Variants in PNPLA4 observed in about 807,000 individuals in gnomAD.
The protein encoded by PNPLA4 is patatin-like phospholipase domain-containing protein 4.
PNPLA4 carries 15 observed loss-of-function variants against 18.3 expected under a neutral mutation model. The observed-to-expected ratio is 0.82, with a 90% confidence interval of 0.55 to 1.26. PNPLA4 has a LOEUF of 1.26. PNPLA4 is among the 50% of genes most tolerant of loss of function. The pLI is 0.00. For synonymous variants in PNPLA4, 88 were observed against 85.6 expected (o/e 1.03, Z -0.16); for missense variants, 229 against 196.8 (o/e 1.16, Z -0.98).
rs746537416 is a variant in PNPLA4, at chrX:7,926,247, A to G, written c.-13-115T>C. On this transcript the variant is annotated intron_variant, in intron 1 of 6. Coordinates refer to ENST00000381042, the MANE Select transcript of PNPLA4 (RefSeq NM_004650.3). Reference sequence around the variant, plus strand: ...TCTTCTAACATCATTCTCTGTTTTAAGCACAGTGGTTTCAATTAATTCTAA... The same window carrying G: ...TCTTCTAACATCATTCTCTGTTTTAGGCACAGTGGTTTCAATTAATTCTAA... 8.5e-5 allele frequency: 43 copies of G among 505,601 alleles called. No homozygotes were observed. The African/African-American group carries it at 9.4e-4, about 11-fold the overall frequency. The allele number at this position is 505,601 out of a possible 1,213,427, so 41.7% of individuals were successfully genotyped here.
At chrX:7,904,025 T>C (rs1173259914) in intron 5 of PNPLA4, among the ~76,000 whole-genome samples, 2 of 109,402 alleles carry the variant, frequency 1.8e-5, no homozygotes, top group Non-Finnish European at 1.9e-5. Context: ...CTCCAAAATA[T>C]CTGATTCTGT....
At chrX:7,907,186 T>C (rs1382819787) in intron 5 of PNPLA4, among the ~76,000 whole-genome samples, 1 of 110,753 alleles carries the variant, frequency 9.0e-6, no homozygotes, top group Non-Finnish European at 1.9e-5. Flanking sequence ...CCCGGCTAAT[T>C]TTTTGTATTT....
At chrX:7,914,076 C>T (rs1452743159) in intron 4 of PNPLA4, among the ~76,000 whole-genome samples, 7 of 112,181 alleles carry the variant, frequency 6.2e-5, no homozygotes, top group African/African-American at 9.7e-5. Context: ...GGAAAGCATG[C>T]ACTTCTATTT....
intron 3 of PNPLA4, 33 bp from the exon 4 acceptor site, chrX:7,921,881 C>G: frequency 1.7e-6 from 2 of 1,174,974 alleles, no homozygotes. Context: ...AATTACTCAC[C>G]TTTAATTATT....
chrX:7,904,003 C>A (rs868187692), intron 5 of PNPLA4, among the ~76,000 whole-genome samples: 2 of 105,446 alleles, frequency 1.9e-5, no homozygotes, highest in Non-Finnish European at 1.9e-5. Flanking sequence ...GGGAGGTTTG[C>A]AAAAAAAAAG....
intron 5 of PNPLA4, among the ~76,000 whole-genome samples, chrX:7,911,220 G>C (rs1368037749): frequency 8.9e-6 from 1 of 112,002 alleles, no homozygotes. Context: ...ATTATAAAAT[G>C]CATGTTTCCA....
rs59034856 is a variant in PNPLA4 at position 7,899,626 on chromosome X, CGAGAGAGAGAGAGAGAGAGAGA to C, written c.*1038_*1059del. ...TAGCTAAATACTCAGAGAGGTATGG[CGAGAGAGAGAGAGAGAGAGAGA>C]GAGAGAGAGAGAGAGAGAGAGAGAG... On this transcript the variant is annotated 3_prime_UTR_variant, in exon 7 of 7. Transcript: ENST00000381042. 7 of 46,580 alleles carry C rather than the reference CGAGAGAGAGAGAGAGAGAGAGA, an allele frequency of 1.5e-4. No homozygotes were observed. Among genetic ancestry groups the C allele is most frequent in the African/African-American group, 3.2e-4 (4 of 12,318 alleles). The allele number at this position is 46,580 out of a possible 1,213,427, so 3.8% of individuals were successfully genotyped here.
intron 4 of PNPLA4, among the ~76,000 whole-genome samples, chrX:7,915,030 C>T (rs1261762810): frequency 1.8e-5 from 2 of 111,887 alleles, no homozygotes; most frequent in African/African-American, 6.5e-5. Context: ...TAGTTAAGAG[C>T]TAAGCAGCTT....
At chrX:7,921,257 G>A (rs912826631) in intron 4 of PNPLA4, among the ~76,000 whole-genome samples, 9 of 110,455 alleles carry the variant, frequency 8.1e-5, no homozygotes, top group Non-Finnish European at 1.5e-4. Context: ...GCAAACGAGC[G>A]AGACTCCATC....
chrX:7,900,845 T>A, intron 6 of PNPLA4, 28 bp from the exon 7 acceptor site: 1 of 1,152,362 alleles, frequency 8.7e-7, no homozygotes, highest in Non-Finnish European at 1.2e-6. Context: ...AAATTTAAGC[T>A]GTAGGATATT....
chrX:7,908,464 G>T (rs1327377231), intron 5 of PNPLA4, among the ~76,000 whole-genome samples: 1 of 112,264 alleles, frequency 8.9e-6, no homozygotes, highest in Non-Finnish European at 1.9e-5. Context: ...TTAAAACACT[G>T]CATTTAAAGC....
intron 3 of PNPLA4, 52 bp from the exon 4 acceptor site, chrX:7,921,900 T>C (rs1428429168): frequency 8.8e-7 from 1 of 1,140,146 alleles, no homozygotes; most frequent in Non-Finnish European, 1.2e-6. Context: ...TTGAACTCCC[T>C]GTAAATATTT....
intron 4 of PNPLA4, among the ~76,000 whole-genome samples, chrX:7,915,222 G>A (rs898023474): frequency 9.7e-6 from 1 of 103,435 alleles, no homozygotes; most frequent in Admixed American, 1.1e-4. Context: ...ACCTCAACAC[G>A]TCTACAGCAC....
intron 5 of PNPLA4, among the ~76,000 whole-genome samples, chrX:7,906,240 T>G (rs1923701027): frequency 8.9e-6 from 1 of 112,100 alleles, no homozygotes. Context: ...GACAAAGAGA[T>G]ATCCACTTCC....
intron 4 of PNPLA4, among the ~76,000 whole-genome samples, chrX:7,913,649 C>A (rs1008852213): frequency 1.8e-5 from 2 of 112,365 alleles, no homozygotes; most frequent in Non-Finnish European, 1.9e-5. Flanking sequence ...TGGGTCCTGT[C>A]CAAAATAAGA....
chrX:7,901,139 C>T (rs1212318615), intron 6 of PNPLA4, among the ~76,000 whole-genome samples: 2 of 111,796 alleles, frequency 1.8e-5, no homozygotes, highest in Admixed American at 9.5e-5. Flanking sequence ...ATGTCTAGTA[C>T]AATATCATCC....
chrX:7,926,582 G>T (rs1924419071), intron 1 of PNPLA4, among the ~76,000 whole-genome samples: 1 of 111,780 alleles, frequency 8.9e-6, no homozygotes. Flanking sequence ...AAGTGTATCA[G>T]AAGATTTCAA....
upstream of PNPLA4, chrX:7,927,596 A>G (rs761946070): frequency 8.8e-6 from 1 of 113,570 alleles, no homozygotes; most frequent in African/African-American, 3.2e-5. Context: ...TCGAGTACCT[A>G]GAGAGACATT....
At position 7,899,613 on chromosome X, in the gene PNPLA4, C is replaced by T. The variant is rs1345926597; in HGVS notation, c.*1073G>A. On this transcript the variant is annotated 3_prime_UTR_variant, in exon 7 of 7. Transcript: ENST00000381042. ...GTATATAGAACAATAGCTAAATACT[C>T]AGAGAGGTATGGCGAGAGAGAGAGA... 1 of 72,873 alleles carries T rather than the reference C, an allele frequency of 1.4e-5. No individual in the cohort carries two copies. Among genetic ancestry groups the T allele is most frequent in the East Asian group, 5.2e-4 (1 of 1,920 alleles). 6.0% of individuals were successfully genotyped at this position (72,873 alleles called of 1,213,427 possible). A position where few individuals can be genotyped will look rare whatever the true frequency, so the allele number is the denominator to read the frequency against.
Sources: allele counts gnomAD v4.1 joint callset (sites outside exome capture counted in the v4.1 genomes callset), GRCh38; gene constraint gnomAD v4.1.1; transcripts MANE v1.5; gene names NCBI Gene and HGNC (gene_info 2026-07-23, HGNC 2026-07-21).